The following GLRX3 variants were observed in gnomAD, a reference collection of about 807,000 sequenced individuals.
GLRX3 encodes glutaredoxin-3.
A neutral mutation model predicts 49.5 loss-of-function variants in GLRX3; 22 were observed. That is an observed-to-expected ratio of 0.44 (90% CI 0.32 to 0.63). The LOEUF is 0.63. GLRX3 is among the 30% of genes least tolerant of loss of function. The pLI, the probability that GLRX3 is intolerant of heterozygous loss-of-function variation, is 0.05. For synonymous variants in GLRX3, 133 were observed against 140.0 expected (o/e 0.95, Z 0.35); for missense variants, 385 against 396.3 (o/e 0.97, Z 0.24).
At chr10:130,171,787 G>C in intron 8 of GLRX3, 151 bp downstream of exon 8, 1 of 614,522 alleles carries the variant, frequency 1.6e-6, no homozygotes, top group Admixed American at 2.9e-5. Context: ...ACAACATAGT[G>C]AGACCCCATC....
chr10:130,156,749 C>A (rs757364021), intron 2 of GLRX3, among the ~76,000 whole-genome samples: 1 of 152,194 alleles, frequency 6.6e-6, no homozygotes, highest in African/African-American at 2.4e-5. Context: ...GCCTCCCTTG[C>A]GCTTTCTTTC....
chr10:130,155,954 G>A (rs565022481), intron 2 of GLRX3, among the ~76,000 whole-genome samples: 94 of 152,272 alleles, frequency 6.2e-4, no homozygotes, highest in African/African-American at 2.1e-3. Context: ...TGTTACTGAA[G>A]GATACTGAAG....
chr10:130,162,738 G>A (rs1862598896), intron 4 of GLRX3, among the ~76,000 whole-genome samples: 2 of 152,222 alleles, frequency 1.3e-5, no homozygotes, highest in Non-Finnish European at 2.9e-5. Flanking sequence ...TGGGGAAGGA[G>A]TGCTCAGAGG....
intron 1 of GLRX3, among the ~76,000 whole-genome samples, chr10:130,142,405 TTC>T (rs1862192714): frequency 6.6e-6 from 1 of 152,032 alleles, no homozygotes; most frequent in Non-Finnish European, 1.5e-5. Flanking sequence ...GGAGACTGCC[TTC>T]TTCTTCTTCA....
chr10:130,145,706 A>G (rs1200959404), intron 2 of GLRX3, among the ~76,000 whole-genome samples: 1 of 152,164 alleles, frequency 6.6e-6, no homozygotes, highest in Non-Finnish European at 1.5e-5. Flanking sequence ...TTTATTAACT[A>G]ATATAAAGAT....
intron 4 of GLRX3, among the ~76,000 whole-genome samples, chr10:130,163,317 G>A (rs929846873): frequency 3.3e-5 from 5 of 152,150 alleles, no homozygotes; most frequent in African/African-American, 1.2e-4. Context: ...AGCCACTTGG[G>A]AGGCTGAGGC....
chr10:130,175,214 A>G (rs1590075008), intron 10 of GLRX3, 125 bp downstream of exon 10: 8 of 678,774 alleles, frequency 1.2e-5, no homozygotes, highest in African/African-American at 5.3e-5. Flanking sequence ...ACTCTCAGAC[A>G]TTTCTAGACC....
Position 130,136,529 on chromosome 10 carries a change from G to T in GLRX3, c.92+17G>T. ...CAAAGCCAAGTAAGCGGGGCGGCGA[G>T]CGGTAGGAGTGAGGAGCCGGAGCGG... On this transcript the variant is annotated intron_variant, in intron 1 of 10. Coordinates refer to ENST00000331244, the MANE Select transcript of GLRX3 (RefSeq NM_006541.5). The T allele has an allele frequency of 7.9e-7, 1 of 1,261,242 alleles. No homozygotes were observed. The allele number at this position is 1,261,242 out of a possible 1,614,324, so 78.1% of individuals were successfully genotyped here.
rs369417078 is a variant in GLRX3 at position 130,166,895 on chromosome 10, A to G, written c.652-24A>G. ...TATGTTATAATAATTTTTTTCATAA[A>G]ACTGGTATGTGTGCTTATTTTAGGA... On this transcript the variant is annotated intron_variant, in intron 5 of 10. Coordinates refer to ENST00000331244, the MANE Select transcript of GLRX3 (RefSeq NM_006541.5). The G allele has an allele frequency of 4.7e-6, 7 of 1,488,852 alleles. No individual in the cohort carries two copies. The African/African-American group carries it at 9.8e-5, about 21-fold the overall frequency. 92.2% of individuals were successfully genotyped at this position (1,488,852 alleles called of 1,614,324 possible).
intron 5 of GLRX3, 117 bp from the exon 6 acceptor site, chr10:130,166,802 A>G (rs575518915): frequency 4.6e-5 from 41 of 897,054 alleles, no homozygotes; most frequent in South Asian, 2.0e-4. Context: ...AGAACCTGCA[A>G]TGAATACACA....
Position 130,154,795 on chromosome 10 carries a change from G to C in GLRX3, c.202-5200G>C, listed in dbSNP as rs368346856. On this transcript the variant is annotated intron_variant, in intron 2 of 10. Transcript: ENST00000331244. Reference sequence around the variant, plus strand: ...AATGCCGCACAGTAGTCTAGGCACTGAGGATACAGAACATTAAGGGTCACA... The same window carrying C: ...AATGCCGCACAGTAGTCTAGGCACTCAGGATACAGAACATTAAGGGTCACA... Among the ~76,000 whole-genome samples, 8 of 152,140 alleles carry C rather than the reference G, an allele frequency of 5.3e-5. No homozygotes were observed. The East Asian group carries it at 5.8e-4, about 11-fold the overall frequency.
intron 10 of GLRX3, among the ~76,000 whole-genome samples, chr10:130,178,157 A>T (rs1365446161): frequency 6.6e-6 from 1 of 152,186 alleles, no homozygotes; most frequent in African/African-American, 2.4e-5. Context: ...GTTGGGTTTC[A>T]ATAGCAAAGC....
intron 1 of GLRX3, among the ~76,000 whole-genome samples, chr10:130,141,405 G>A (rs914803167): frequency 6.6e-6 from 1 of 152,026 alleles, no homozygotes; most frequent in Admixed American, 6.6e-5. Context: ...GATCTTAATC[G>A]TCAGATGTGG....
chr10:130,154,312 T>A (rs994693408), intron 2 of GLRX3, among the ~76,000 whole-genome samples: 1 of 152,198 alleles, frequency 6.6e-6, no homozygotes, highest in African/African-American at 2.4e-5. Flanking sequence ...CGCCCTGCCC[T>A]ACTTTGGCTC....
At chr10:130,169,372 G>A (rs575722524) in intron 6 of GLRX3, 61 bp from the exon 7 acceptor site, 26 of 977,406 alleles carry the variant, frequency 2.7e-5, no homozygotes, top group African/African-American at 1.4e-4. Context: ...CTCACGAAGC[G>A]GAGGAAAAGT....
intron 2 of GLRX3, among the ~76,000 whole-genome samples, chr10:130,156,732 A>G (rs1862478057): frequency 6.6e-6 from 1 of 152,198 alleles, no homozygotes. Context: ...CTCTGGATTT[A>G]CCTGATGCCT....
intron 3 of GLRX3, 75 bp downstream of exon 3, chr10:130,160,144 T>A (rs1862545683): frequency 1.2e-6 from 1 of 844,954 alleles, no homozygotes; most frequent in African/African-American, 1.7e-5. Context: ...TTCTTTACCC[T>A]CTCTCTAATC....
intron 1 of GLRX3, among the ~76,000 whole-genome samples, chr10:130,143,482 AATAG>A (rs1243972489): frequency 6.6e-6 from 1 of 152,208 alleles, no homozygotes; most frequent in Non-Finnish European, 1.5e-5. Context: ...AACTAACTAA[AATAG>A]ATACTGAGTT....
At chr10:130,173,169 T>A (rs1862847387) in intron 8 of GLRX3, among the ~76,000 whole-genome samples, 1 of 152,154 alleles carries the variant, frequency 6.6e-6, no homozygotes, top group Non-Finnish European at 1.5e-5. Context: ...TCTCTAGCAG[T>A]ACCAGGTTCC....
Sources: gnomAD v4.1 joint callset for allele counts (sites outside exome capture counted in the v4.1 genomes callset) on GRCh38, gnomAD v4.1.1 for gene constraint, MANE v1.5 for transcripts, NCBI Gene and HGNC (gene_info 2026-07-23, HGNC 2026-07-21) for gene names.